Variants in JAZF1 observed in about 807,000 individuals in gnomAD.
JAZF1 encodes the protein JAZF zinc finger 1, also known as juxtaposed with another zinc finger protein 1.
In JAZF1, 8 loss-of-function variants were observed where a neutral mutation model predicts 26.4. The ratio of observed to expected loss-of-function variants is 0.30; its 90% CI spans 0.18 to 0.55. The LOEUF is 0.55. Among genes scored for constraint, JAZF1 ranks in the 20% least tolerant of loss-of-function variants. The probability of loss-of-function intolerance (pLI) is 0.94; values close to 1 mark genes in which losing one functional copy is unlikely to be tolerated. For missense variants in JAZF1, 199 were observed against 322.0 expected, an observed-to-expected ratio of 0.62 and a Z score of 2.92; for synonymous variants, 126 against 122.3, an observed-to-expected ratio of 1.03 and a Z score of -0.20.
chr7:27,919,169 A>G (rs1308539701), intron 2 of JAZF1, among the ~76,000 whole-genome samples: 1 of 152,250 alleles, frequency 6.6e-6, no homozygotes, highest in South Asian at 2.1e-4. Flanking sequence ...TTAGCATGAA[A>G]TGTAAAATTA....
At chr7:27,845,592 G>A (rs1364142881) in intron 3 of JAZF1, among the ~76,000 whole-genome samples, 1 of 151,660 alleles carries the variant, frequency 6.6e-6, no homozygotes, top group Non-Finnish European at 1.5e-5. Context: ...AGCTACTCAG[G>A]AGGCTGAGGC....
At chr7:28,017,244 A>G (rs1301224212) in intron 1 of JAZF1, among the ~76,000 whole-genome samples, 2 of 151,468 alleles carry the variant, frequency 1.3e-5, no homozygotes, top group African/African-American at 4.9e-5. Flanking sequence ...CCAACTACTC[A>G]GGAGGCTAAG....
intron 1 of JAZF1, among the ~76,000 whole-genome samples, chr7:28,097,204 C>T (rs1190868711): frequency 6.6e-6 from 1 of 152,176 alleles, no homozygotes; most frequent in Admixed American, 6.5e-5. Flanking sequence ...TTGGCTCCCA[C>T]CACTGCATTT....
intron 3 of JAZF1, among the ~76,000 whole-genome samples, chr7:27,854,676 T>C (rs1406242266): frequency 3.3e-5 from 5 of 152,218 alleles, no homozygotes; most frequent in African/African-American, 4.8e-5. Flanking sequence ...TTCCTTTCTT[T>C]AAGAATGTTG....
intron 2 of JAZF1, among the ~76,000 whole-genome samples, chr7:27,966,377 T>G (rs1785275619): frequency 6.6e-6 from 1 of 152,222 alleles, no homozygotes; most frequent in East Asian, 1.9e-4. Flanking sequence ...AACCTTGGTT[T>G]GTGCAGATTG....
At chr7:27,946,078 A>G (rs73685864) in intron 2 of JAZF1, among the ~76,000 whole-genome samples, 17 of 152,212 alleles carry the variant, frequency 1.1e-4, no homozygotes, top group African/African-American at 3.6e-4. Flanking sequence ...AAAGGCTAAT[A>G]TAAGTGTTTT....
intron 2 of JAZF1, among the ~76,000 whole-genome samples, chr7:27,897,553 C>T (rs1006284860): frequency 3.3e-5 from 5 of 152,202 alleles, no homozygotes; most frequent in African/African-American, 1.2e-4. Flanking sequence ...ACACTATCTA[C>T]GTAAGAATGA....
intron 2 of JAZF1, among the ~76,000 whole-genome samples, chr7:27,984,871 T>G (rs1226180289): frequency 6.6e-6 from 1 of 152,048 alleles, no homozygotes; most frequent in African/African-American, 2.4e-5. Flanking sequence ...CACAACAAAA[T>G]GAAGGCAGAA....
intron 3 of JAZF1, among the ~76,000 whole-genome samples, chr7:27,889,928 CTCTCA>C (rs991967248): frequency 1.1e-4 from 8 of 69,660 alleles, no homozygotes; most frequent in Non-Finnish European, 1.9e-4. Flanking sequence ...GTGAGACTTT[CTCTCA>C]AAAAAAAAAA....
At position 28,155,008 on chromosome 7, in the gene JAZF1, C is replaced by A. The variant is rs542639146; in HGVS notation, c.115+25455G>T. On this transcript the variant is annotated intron_variant, in intron 1 of 4. Transcript: ENST00000283928. ...TATTTGCAATTGCTATCTGCCCTTG[C>A]TCACTAAAACTAAAAATAAAATTGG... Among the ~76,000 whole-genome samples the A allele has an allele frequency of 1.4e-3, 219 of 152,150 alleles. 1 individual carries two copies. The highest frequency in any genetic ancestry group is 5.2e-3 in the African/African-American group (216 of 41,508).
chr7:28,083,964 A>C (rs1784176291), intron 1 of JAZF1, among the ~76,000 whole-genome samples: 1 of 152,154 alleles, frequency 6.6e-6, no homozygotes, highest in Non-Finnish European at 1.5e-5. Flanking sequence ...AACAAGTCTA[A>C]CAATATAAAG....
At chr7:28,081,006 G>A (rs186995655) in intron 1 of JAZF1, among the ~76,000 whole-genome samples, 1 of 152,162 alleles carries the variant, frequency 6.6e-6, no homozygotes, top group East Asian at 1.9e-4. Flanking sequence ...GGGGAAGGGA[G>A]GGCATCAAAG....
chr7:27,913,681 G>C (rs1784399246), intron 2 of JAZF1, among the ~76,000 whole-genome samples: 1 of 152,200 alleles, frequency 6.6e-6, no homozygotes. Flanking sequence ...GGGAGCCCTT[G>C]CAGATGCCTC....
intron 1 of JAZF1, among the ~76,000 whole-genome samples, chr7:28,154,228 T>A (rs565365974): frequency 2.6e-5 from 4 of 152,320 alleles, no homozygotes; most frequent in Admixed American, 6.5e-5. Flanking sequence ...ATCCCACAAG[T>A]TGATCCCATA....
chr7:27,975,242 G>A (rs948003263), intron 2 of JAZF1, among the ~76,000 whole-genome samples: 1 of 152,082 alleles, frequency 6.6e-6, no homozygotes, highest in South Asian at 2.1e-4. Context: ...ACATGTTAAG[G>A]GCAGGAGCAA....
chr7:27,979,366 ATTTTTTTTTTTTTT>A lies in JAZF1; in HGVS notation c.188+12529_188+12542del, dbSNP rs55737757. On this transcript the variant is annotated intron_variant, in intron 2 of 4. Coordinates refer to ENST00000283928, the MANE Select transcript of JAZF1 (RefSeq NM_175061.4). ...TAACAGGCGTGGCCAGGTACACTAC[ATTTTTTTTTTTTTT>A]TTTTTTTTTTTTTTTTTTTTTTTTT... is the stretch of plus-strand genomic sequence containing the variant. Among the ~76,000 whole-genome samples, 295 of 58,426 alleles carry A rather than the reference ATTTTTTTTTTTTTT, an allele frequency of 5.0e-3. 7 individuals carry two copies. The highest frequency in any genetic ancestry group is 0.02 in the East Asian group (24 of 1,204). 38.3% of individuals were successfully genotyped at this position (58,426 alleles called of 152,430 possible). A position where few individuals can be genotyped will look rare whatever the true frequency, so the allele number is the denominator to read the frequency against.
At chr7:27,896,829 T>C (rs1028601500) in intron 2 of JAZF1, among the ~76,000 whole-genome samples, 7 of 152,242 alleles carry the variant, frequency 4.6e-5, no homozygotes, top group African/African-American at 1.7e-4. Flanking sequence ...TAAACTGGAT[T>C]TTATATGCTG....
At chr7:28,169,743 T>C (rs1181415361) in intron 1 of JAZF1, among the ~76,000 whole-genome samples, 2 of 152,196 alleles carry the variant, frequency 1.3e-5, no homozygotes, top group Non-Finnish European at 2.9e-5. Flanking sequence ...TTTATGCCTA[T>C]TACCATGGTG....
chr7:27,840,880 A>T lies in JAZF1; in HGVS notation c.386-13T>A. 1 of 1,613,558 alleles carries T rather than the reference A, an allele frequency of 6.2e-7. No individual in the cohort carries two copies. The highest frequency in any genetic ancestry group is 8.5e-7 in the Non-Finnish European group (1 of 1,179,760). On this transcript the variant is annotated splice_polypyrimidine_tract_variant and intron_variant, in intron 3 of 4. Transcript: ENST00000283928. This position sits in a 1 kb window ranked among gnomAD's most constrained non-coding sequence, Gnocchi z 5.1. ...TCATACTCGCTGCCTGCAGGACAAG[A>T]GAAGTGCAAGGACTGTCAGGAGCGC...
Sources: allele counts gnomAD v4.1 joint callset (sites outside exome capture counted in the v4.1 genomes callset), GRCh38; gene constraint gnomAD v4.1.1; non-coding constraint Gnocchi (gnomAD v3.1); transcripts MANE v1.5; gene names NCBI Gene and HGNC (gene_info 2026-07-23, HGNC 2026-07-21).